HTR2C: variants seen among roughly 807,000 people sequenced by gnomAD.
HTR2C encodes 5-hydroxytryptamine receptor 2C, also known as 5-hydroxytryptamine (serotonin) receptor 2C, G protein-coupled.
A neutral mutation model predicts 21.0 loss-of-function variants in HTR2C; 5 were observed. The ratio of observed to expected loss-of-function variants is 0.24; its 90% confidence interval spans 0.12 to 0.50. The LOEUF (loss-of-function observed/expected upper bound fraction) is 0.50. Among genes scored for constraint, HTR2C ranks in the 20% least tolerant of loss-of-function variants. The pLI is 0.98. For missense variants in HTR2C, 271 were observed against 371.2 expected, an observed-to-expected ratio of 0.73 and a Z score of 2.22; for synonymous variants, 150 against 145.3, an observed-to-expected ratio of 1.03 and a Z score of -0.23.
chrX:114,785,098 G>T (rs782763302), intron 4 of HTR2C, among the ~76,000 whole-genome samples: 1 of 112,012 alleles, frequency 8.9e-6, no homozygotes, highest in Non-Finnish European at 1.9e-5. Flanking sequence ...GACTTAATGG[G>T]TCACAGAAAA....
chrX:114,764,739 TA>T lies in HTR2C; in HGVS notation c.349+33134del, dbSNP rs1485081625. Among the ~76,000 whole-genome samples the T allele has an allele frequency of 1.4e-4, 16 of 111,876 alleles. No homozygotes were observed. In the Admixed American group the frequency reaches 1.5e-3, roughly 11 times the overall value. On this transcript the variant is annotated intron_variant, in intron 4 of 5. Transcript: ENST00000276198. The stretch of plus-strand genomic sequence containing the variant: ...GACGCACCTCCTACGTTTTCTTCCT[TA>T]AGAGGAGACATCCTCTGTCTTCTCA...
At chrX:114,819,427 T>C (rs1470771614) in intron 4 of HTR2C, among the ~76,000 whole-genome samples, 1 of 112,201 alleles carries the variant, frequency 8.9e-6, no homozygotes, top group Non-Finnish European at 1.9e-5. Flanking sequence ...TGCTTTATGA[T>C]GAACAGGTTA....
chrX:114,791,908 A>T (rs1556443759), intron 4 of HTR2C, among the ~76,000 whole-genome samples: 1 of 111,387 alleles, frequency 9.0e-6, no homozygotes, highest in Non-Finnish European at 1.9e-5. Context: ...CGTGATCTTT[A>T]GATGGCCATT....
chrX:114,725,430 A>C (rs781799710), intron 2 of HTR2C, among the ~76,000 whole-genome samples: 1 of 110,312 alleles, frequency 9.1e-6, no homozygotes, highest in Non-Finnish European at 1.9e-5. Flanking sequence ...AATTTTTTTC[A>C]AAGTTTTCAT....
chrX:114,769,032 T>C (rs2069973655), intron 4 of HTR2C, among the ~76,000 whole-genome samples: 1 of 307 alleles, frequency 3.3e-3, no homozygotes, highest in Non-Finnish European at 7.8e-3. Context: ...GTTAAAACTA[T>C]TTGAAAAAAA....
intron 5 of HTR2C, among the ~76,000 whole-genome samples, chrX:114,853,724 T>C (rs2070937549): frequency 8.9e-6 from 1 of 111,885 alleles, no homozygotes; most frequent in Non-Finnish European, 1.9e-5. Context: ...TTTCACACTT[T>C]TAATTATAAA....
intron 4 of HTR2C, among the ~76,000 whole-genome samples, chrX:114,817,057 A>G (rs1556454736): frequency 9.0e-6 from 1 of 111,472 alleles, no homozygotes; most frequent in Non-Finnish European, 1.9e-5. Context: ...GGATTAAATA[A>G]TTGCAGCAAA....
At chrX:114,872,231 A>G (rs1556476753) in intron 5 of HTR2C, among the ~76,000 whole-genome samples, 1 of 111,103 alleles carries the variant, frequency 9.0e-6, no homozygotes, top group Non-Finnish European at 1.9e-5. Flanking sequence ...AGTTAAAGGT[A>G]TCAATGTTAA....
intron 2 of HTR2C, among the ~76,000 whole-genome samples, chrX:114,724,732 A>G (rs1392940956): frequency 1.9e-5 from 2 of 107,457 alleles, no homozygotes; most frequent in African/African-American, 6.7e-5. Flanking sequence ...GTCTCTCAGC[A>G]TTTGCTTGCC....
At chrX:114,699,936 G>A (rs1249238200) in intron 2 of HTR2C, among the ~76,000 whole-genome samples, 1 of 95,904 alleles carries the variant, frequency 1.0e-5, no homozygotes, top group African/African-American at 3.6e-5. Context: ...ACAGATATTA[G>A]CCTATTGCAT....
intron 2 of HTR2C, among the ~76,000 whole-genome samples, chrX:114,629,660 G>A (rs1296089628): frequency 4.6e-5 from 5 of 109,776 alleles, no homozygotes; most frequent in Non-Finnish European, 9.4e-5. Context: ...TGTATATGAT[G>A]TTTTGTTTTA....
chrX:114,794,134 C>T (rs900657490), intron 4 of HTR2C, among the ~76,000 whole-genome samples: 4 of 110,840 alleles, frequency 3.6e-5, no homozygotes, highest in Non-Finnish European at 7.6e-5. Flanking sequence ...ATGAAAATAG[C>T]AAAAGCTTAA....
intron 2 of HTR2C, among the ~76,000 whole-genome samples, chrX:114,706,132 T>C (rs1191607816): frequency 1.1e-4 from 4 of 36,443 alleles, no homozygotes; most frequent in African/African-American, 3.8e-4. Flanking sequence ...AGTTCAACCA[T>C]TGTGGAAGTC....
Position 114,848,017 on chromosome X carries a change from C to T in HTR2C, c.364C>T (p.Leu122=), listed in dbSNP as rs2070887723. The T allele has an allele frequency of 2.5e-6, 3 of 1,204,520 alleles. No homozygotes were observed. In the African/African-American group the frequency reaches 5.2e-5, roughly 21 times the overall value. Residue 122 remains leucine, a synonymous_variant, in exon 5 of 6, where the codon CTA becomes TTA. Coordinates refer to ENST00000276198, the MANE Select transcript of HTR2C (RefSeq NM_000868.4). The part of the protein sequence containing the change: ...LAILYDYVWP[L]PRYLCPVWIS... The stretch of plus-strand genomic sequence containing the variant: ...TTCTCTTTCAGATTATGTCTGGCCA[C>T]TACCTAGATATTTGTGCCCCGTCTG...
chrX:114,713,508 T>C (rs1932925223), intron 2 of HTR2C, among the ~76,000 whole-genome samples: 1 of 111,215 alleles, frequency 9.0e-6, no homozygotes, highest in African/African-American at 3.3e-5. Context: ...GTCTGTGTGA[T>C]AGAAACTGTC....
At chrX:114,661,405 T>TA (rs76778904) in intron 2 of HTR2C, among the ~76,000 whole-genome samples, 65 of 49,855 alleles carry the variant, frequency 1.3e-3, no homozygotes, top group African/African-American at 2.4e-3. Flanking sequence ...AATGAATTTG[T>TA]AAAAAAAAAA....
At chrX:114,667,871 T>G (rs1556411111) in intron 2 of HTR2C, among the ~76,000 whole-genome samples, 1 of 111,857 alleles carries the variant, frequency 8.9e-6, no homozygotes, top group Non-Finnish European at 1.9e-5. Flanking sequence ...TATTAACTAT[T>G]TAAACATTTC....
chrX:114,670,935 A>C (rs1404351996), intron 2 of HTR2C, among the ~76,000 whole-genome samples: 2 of 111,974 alleles, frequency 1.8e-5, no homozygotes, highest in Non-Finnish European at 3.8e-5. Context: ...AATAGACTTA[A>C]AGTTCATTCG....
At chrX:114,600,142 A>G (rs1928025401) in intron 1 of HTR2C, among the ~76,000 whole-genome samples, 1 of 112,196 alleles carries the variant, frequency 8.9e-6, no homozygotes, top group Admixed American at 9.5e-5. Context: ...AACAACTGTA[A>G]GAAAAAGGAA....
Sources: allele counts gnomAD v4.1 joint callset (sites outside exome capture counted in the v4.1 genomes callset), GRCh38; gene constraint gnomAD v4.1.1; transcripts MANE v1.5; gene names NCBI Gene and HGNC (gene_info 2026-07-23, HGNC 2026-07-21).